The following QRICH1 variants were observed in gnomAD, a reference collection of about 807,000 sequenced individuals.
QRICH1 encodes the protein glutamine rich 1.
A neutral mutation model predicts 87.1 loss-of-function variants in QRICH1; 16 were observed. The observed-to-expected ratio is 0.18, with a 90% CI of 0.12 to 0.28. The LOEUF (loss-of-function observed/expected upper bound fraction) is 0.28, where lower values mean the gene tolerates loss of function less well. Ranked by LOEUF, QRICH1 falls within the 10% of genes least tolerant of loss-of-function variation. The pLI is 1.00. For missense variants in QRICH1, 647 were observed against 951.7 expected (o/e 0.68, Z 4.21); for synonymous variants, 367 against 368.4 (o/e 1.00, Z 0.05).
intron 5 of QRICH1, among the ~76,000 whole-genome samples, chr3:49,045,099 T>C (rs891941353): frequency 5.9e-5 from 9 of 152,262 alleles, no homozygotes; most frequent in African/African-American, 1.4e-4. Flanking sequence ...CTCTGCTCCC[T>C]TGAACTGCCA....
Position 49,047,263 on chromosome 3 carries a change from ATGAAAATG to A in QRICH1, c.1339-25_1339-18del. ...AGTTTGAGCCTATAGGAGAGAAACC[ATGAAAATG>A]TGTCAATATTGTTTTATATTAGATC... On this transcript the variant is annotated intron_variant, in intron 3 of 9. Coordinates refer to ENST00000395443, the MANE Select transcript of QRICH1 (RefSeq NM_198880.3). 1 of 1,594,062 alleles carries A rather than the reference ATGAAAATG, an allele frequency of 6.3e-7. No homozygotes were observed. Among genetic ancestry groups the A allele is most frequent in the Non-Finnish European group, 8.6e-7 (1 of 1,168,440 alleles).
At chr3:49,076,564 A>G (rs1314514753) in intron 2 of QRICH1, 145 bp downstream of exon 2, 10 of 862,218 alleles carry the variant, frequency 1.2e-5, no homozygotes, top group Non-Finnish European at 1.6e-5. Context: ...AGAAGAAAGA[A>G]AAAACTTTTA....
chr3:49,042,072 C>G (rs1191364515), intron 6 of QRICH1, among the ~76,000 whole-genome samples: 3 of 128,282 alleles, frequency 2.3e-5, no homozygotes, highest in Admixed American at 8.4e-5. Flanking sequence ...CGCGCCCAGA[C>G]TGTGTTTTTT....
At chr3:49,033,402 T>A in intron 6 of QRICH1, 174 bp from the exon 7 acceptor site, 1 of 404,392 alleles carries the variant, frequency 2.5e-6, no homozygotes, top group East Asian at 3.7e-5. Context: ...GATAGCTGGG[T>A]CCCAATCTGT....
At chr3:49,062,745 C>A (rs2093442709) in intron 2 of QRICH1, among the ~76,000 whole-genome samples, 2 of 151,778 alleles carry the variant, frequency 1.3e-5, no homozygotes, top group South Asian at 4.2e-4. Context: ...CTGTGGCTCA[C>A]ACCTGTAATC....
At chr3:49,090,692 A>G (rs1412227668) in intron 1 of QRICH1, among the ~76,000 whole-genome samples, 2 of 151,928 alleles carry the variant, frequency 1.3e-5, no homozygotes, top group African/African-American at 2.4e-5. Context: ...CACAGCCACC[A>G]TTTCTACCTA....
chr3:49,079,166 C>T (rs1057484156), intron 1 of QRICH1, among the ~76,000 whole-genome samples: 5 of 151,850 alleles, frequency 3.3e-5, no homozygotes, highest in Non-Finnish European at 5.9e-5. Context: ...GCCCAGAGAT[C>T]GAGGCTGCAG....
At chr3:49,051,081 T>C (rs1331993674) in intron 3 of QRICH1, among the ~76,000 whole-genome samples, 1 of 152,326 alleles carries the variant, frequency 6.6e-6, no homozygotes, top group East Asian at 1.9e-4. Flanking sequence ...ACTCATTCTC[T>C]GATTTCCATA....
chr3:49,044,352 A>C, intron 6 of QRICH1, 38 bp downstream of exon 6: 1 of 1,467,006 alleles, frequency 6.8e-7, no homozygotes, highest in Non-Finnish European at 9.4e-7. Flanking sequence ...TCTTAAATCC[A>C]GGTAGGAAAG....
intron 3 of QRICH1, among the ~76,000 whole-genome samples, chr3:49,051,326 G>A (rs2093368802): frequency 6.6e-6 from 1 of 152,050 alleles, no homozygotes; most frequent in Non-Finnish European, 1.5e-5. Flanking sequence ...TCACAACATT[G>A]TCCTTTGCAC....
In QRICH1 at chr3:49,044,456, A is replaced by G; in HGVS notation, c.1720T>C (p.Tyr574His). Reference protein sequence around the residue: ...RVDDIFSDLYYVRFTEWLHEV... With the variant: ...RVDDIFSDLYHVRFTEWLHEV... ...TGTAGCCACTCCGTGAACCGAACAT[A>G]ATAAAGATCGGAGAAAATGTCATCT... Residue 574 changes from tyrosine to histidine, a missense_variant, in exon 6 of 10, where the codon TAT becomes CAT. Physicochemically the swap from Tyr to His is moderately conservative, Grantham distance 83. Transcript: ENST00000395443. The G allele has an allele frequency of 6.2e-7, 1 of 1,613,924 alleles. No homozygotes were observed. Among genetic ancestry groups the G allele is most frequent in the Non-Finnish European group, 8.5e-7 (1 of 1,179,920 alleles).
intron 6 of QRICH1, among the ~76,000 whole-genome samples, chr3:49,035,006 G>A (rs923618816): frequency 7.2e-5 from 11 of 152,174 alleles, no homozygotes; most frequent in African/African-American, 2.7e-4. Flanking sequence ...CTCTAATAGT[G>A]CATTTCCATC....
chr3:49,060,595 G>A (rs763188650), intron 2 of QRICH1, among the ~76,000 whole-genome samples: 2 of 152,154 alleles, frequency 1.3e-5, no homozygotes, highest in Non-Finnish European at 2.9e-5. Context: ...CTCCCAAAGT[G>A]CTGGGATTAT....
At chr3:49,080,803 T>TG (rs1440444088) in intron 1 of QRICH1, among the ~76,000 whole-genome samples, 2 of 151,370 alleles carry the variant, frequency 1.3e-5, no homozygotes, top group Admixed American at 6.6e-5. Context: ...GGAGGTTTCT[T>TG]GGGGGGTTGG....
intron 2 of QRICH1, among the ~76,000 whole-genome samples, chr3:49,062,162 C>G (rs929823797): frequency 6.6e-6 from 1 of 151,860 alleles, no homozygotes; most frequent in Non-Finnish European, 1.5e-5. Context: ...TGGTGAAACC[C>G]TGTCTCTACT....
chr3:49,069,083 TTTATTATTA>T (rs201912574), intron 2 of QRICH1, among the ~76,000 whole-genome samples: 50 of 139,350 alleles, frequency 3.6e-4, no homozygotes, highest in Non-Finnish European at 5.5e-4. Context: ...AAGTAGAAAA[TTTATTATTA>T]TTATTATTAT....
intron 2 of QRICH1, among the ~76,000 whole-genome samples, chr3:49,068,906 C>T (rs2093483788): frequency 6.6e-6 from 1 of 151,514 alleles, no homozygotes; most frequent in Non-Finnish European, 1.5e-5. Flanking sequence ...GCTGGGATTA[C>T]AGGCATGAGC....
chr3:49,081,664 C>T (rs1013831826), intron 1 of QRICH1, among the ~76,000 whole-genome samples: 1 of 152,184 alleles, frequency 6.6e-6, no homozygotes. Flanking sequence ...TCACGCCCAG[C>T]TAATTACAGT....
chr3:49,084,717 C>G (rs1329479208), intron 1 of QRICH1, among the ~76,000 whole-genome samples: 1 of 151,376 alleles, frequency 6.6e-6, no homozygotes, highest in African/African-American at 2.4e-5. Flanking sequence ...TGAGCTGAGA[C>G]TGCGCCACTG....
Sources: gnomAD v4.1 joint callset for allele counts (sites outside exome capture counted in the v4.1 genomes callset) on GRCh38, gnomAD v4.1.1 for gene constraint, MANE v1.5 for transcripts, NCBI Gene and HGNC (gene_info 2026-07-23, HGNC 2026-07-21) for gene names.